Variants in ZFR2 observed in about 807,000 individuals in gnomAD.
ZFR2 encodes the protein zinc finger RNA binding protein 2, also known as zinc finger RNA-binding protein 2.
ZFR2 carries 104 observed loss-of-function variants against 105.7 expected under a neutral mutation model. The observed-to-expected ratio is 0.98, with a 90% CI of 0.84 to 1.16. ZFR2 has a LOEUF of 1.16. ZFR2 is among the 50% of genes most tolerant of loss of function. The pLI, the probability that ZFR2 is intolerant of heterozygous loss-of-function variation, is 0.00. For missense variants in ZFR2, 1,425 were observed against 1,355.5 expected, an observed-to-expected ratio of 1.05 and a Z score of -0.80; for synonymous variants, 634 against 597.7, an observed-to-expected ratio of 1.06 and a Z score of -0.89.
chr19:3,821,499 C>G lies in ZFR2; in HGVS notation c.1492-20G>C, dbSNP rs1568421161. ...TTTCTTCTGGAAAGGACAGGCAAGGCTCTGAGAGTAGGGACCTTGCTTTAG... is the reference window on the plus strand; with the variant it reads ...TTTCTTCTGGAAAGGACAGGCAAGGGTCTGAGAGTAGGGACCTTGCTTTAG... On this transcript the variant is annotated intron_variant, in intron 9 of 18. Transcript: ENST00000262961. The G allele has an allele frequency of 6.3e-7, 1 of 1,575,840 alleles. No individual in the cohort carries two copies. The highest frequency in any genetic ancestry group is 1.8e-5 in the Admixed American group (1 of 57,138).
At chr19:3,853,253 GC>G (rs1434089761) in intron 1 of ZFR2, among the ~76,000 whole-genome samples, 1 of 152,180 alleles carries the variant, frequency 6.6e-6, no homozygotes, top group Non-Finnish European at 1.5e-5. Context: ...GAGGCCCACA[GC>G]CCTCCCCGGG....
At chr19:3,841,252 G>C (rs147893200) in intron 1 of ZFR2, among the ~76,000 whole-genome samples, 1 of 152,360 alleles carries the variant, frequency 6.6e-6, no homozygotes, top group East Asian at 1.9e-4. Context: ...GAACACGGCC[G>C]GCAACGGGTC....
intron 1 of ZFR2, among the ~76,000 whole-genome samples, chr19:3,836,370 G>A (rs1243596396): frequency 6.6e-6 from 1 of 152,076 alleles, no homozygotes; most frequent in East Asian, 1.9e-4. Context: ...TGTCACCCAG[G>A]TTGAAGTTCA....
rs2037793405 is a variant in ZFR2 at position 3,813,556 on chromosome 19, AC to A, written c.2242+263del. Among the ~76,000 whole-genome samples, 1 of 152,008 alleles carries A rather than the reference AC, an allele frequency of 6.6e-6. No homozygotes were observed. Among genetic ancestry groups the A allele is most frequent in the Non-Finnish European group, 1.5e-5 (1 of 68,030 alleles). On this transcript the variant is annotated intron_variant, in intron 14 of 18. Coordinates refer to ENST00000262961, the MANE Select transcript of ZFR2 (RefSeq NM_015174.2). This position sits in a 1 kb window ranked among gnomAD's most constrained non-coding sequence, Gnocchi z 4.4. ...GCCCTGGGTAAGGGCAAGGGAGGTG[AC>A]ACGGTGTCGCTTGCCCGAGCAAGGC...
intron 6 of ZFR2, among the ~76,000 whole-genome samples, chr19:3,825,704 C>T (rs966143937): frequency 2.0e-5 from 3 of 152,176 alleles, no homozygotes; most frequent in Non-Finnish European, 2.9e-5. Flanking sequence ...TCCTCCACCA[C>T]GTGGGCTGCC....
intron 1 of ZFR2, among the ~76,000 whole-genome samples, chr19:3,862,941 A>C (rs544864201): frequency 6.6e-6 from 1 of 152,298 alleles, no homozygotes; most frequent in South Asian, 2.1e-4. Flanking sequence ...AGGATGTGCA[A>C]ACAGCTGGAG....
intron 1 of ZFR2, among the ~76,000 whole-genome samples, chr19:3,837,690 GTGACACTCAATGAACACCGTGACCA>G (rs2038092513): frequency 1.3e-5 from 2 of 151,424 alleles, no homozygotes; most frequent in Non-Finnish European, 2.9e-5. Context: ...CACTGTGACC[GTGACACTCAATGAACACCGTGACCA>G]TGACACTTGA....
chr19:3,837,015 C>T (rs1023676766), intron 1 of ZFR2, among the ~76,000 whole-genome samples: 3 of 152,238 alleles, frequency 2.0e-5, no homozygotes, highest in Non-Finnish European at 2.9e-5. Flanking sequence ...AGAGGCTCTA[C>T]ACCACCTGGC....
At chr19:3,816,156 C>T (rs1225221237) in intron 13 of ZFR2, among the ~76,000 whole-genome samples, 1 of 151,946 alleles carries the variant, frequency 6.6e-6, no homozygotes, top group Non-Finnish European at 1.5e-5. Flanking sequence ...CTGCCTCAGC[C>T]TCTCAAAGTG....
At chr19:3,840,272 C>T (rs574510893) in intron 1 of ZFR2, among the ~76,000 whole-genome samples, 1 of 151,274 alleles carries the variant, frequency 6.6e-6, no homozygotes, top group East Asian at 1.9e-4. Context: ...CAGTCTTGCT[C>T]TGTCGCCCAG....
At position 3,858,996 on chromosome 19, in the gene ZFR2, G is replaced by A. The variant is rs1433108507; in HGVS notation, c.53+9969C>T. ...TACTGAGTGTCAACTTGACTGGATT[G>A]AAGGATGCAAAATATTGTCCTGGGT... On this transcript the variant is annotated intron_variant, in intron 1 of 18. Coordinates refer to ENST00000262961, the MANE Select transcript of ZFR2 (RefSeq NM_015174.2). This position sits in a 1 kb window ranked among gnomAD's most constrained non-coding sequence, Gnocchi z 4.3. 6.6e-6 allele frequency among the ~76,000 whole-genome samples: 1 copy of A among 152,128 alleles called. No homozygotes were observed. The highest frequency in any genetic ancestry group is 1.9e-4 in the East Asian group (1 of 5,190).
In ZFR2 at chr19:3,806,054, G is replaced by T; in HGVS notation, c.2715C>A (p.His905Gln). 2 of 1,535,334 alleles carry T rather than the reference G, an allele frequency of 1.3e-6. No individual in the cohort carries two copies. Among genetic ancestry groups the T allele is most frequent in the South Asian group, 1.2e-5 (1 of 82,758 alleles). ...VLGMDLLPPR[H>Q]RLGARFRKRQ... Reference sequence around the variant, plus strand: ...TCTTCCGGAAGCGGGCCCCCAGCCGGTGTCTGGGCGGCAGGAGATCCATGC... The same window carrying T: ...TCTTCCGGAAGCGGGCCCCCAGCCGTTGTCTGGGCGGCAGGAGATCCATGC... The change falls in exon 19 of 19, where the codon CAC (histidine) becomes CAA (glutamine). Residue 905 changes from histidine to glutamine, a missense_variant. Physicochemically the swap from His to Gln is conservative, Grantham distance 24. Transcript: ENST00000262961.
intron 6 of ZFR2, among the ~76,000 whole-genome samples, chr19:3,825,639 ACTC>A (rs1417020243): frequency 1.3e-5 from 2 of 149,084 alleles, no homozygotes; most frequent in African/African-American, 5.0e-5. Context: ...GCACGGTGAC[ACTC>A]CTCTAGTGTG....
chr19:3,839,783 C>T (rs1401246993), intron 1 of ZFR2, among the ~76,000 whole-genome samples: 2 of 152,000 alleles, frequency 1.3e-5, no homozygotes, highest in Non-Finnish European at 2.9e-5. Context: ...CTTTTTCTTC[C>T]TCCCTAGGGT....
intron 1 of ZFR2, among the ~76,000 whole-genome samples, chr19:3,854,505 A>C (rs1423696674): frequency 6.6e-6 from 1 of 152,192 alleles, no homozygotes; most frequent in Non-Finnish European, 1.5e-5. Context: ...ACCAGCGATC[A>C]TGTGAACACA....
chr19:3,818,902 T>A, intron 12 of ZFR2, 143 bp downstream of exon 12: 2 of 1,037,740 alleles, frequency 1.9e-6, no homozygotes, highest in Non-Finnish European at 2.7e-6. Flanking sequence ...GGGAACTTCC[T>A]ACTCCTGGGG....
chr19:3,832,628 GT>G (rs112247869), intron 3 of ZFR2, among the ~76,000 whole-genome samples: 41 of 143,452 alleles, frequency 2.9e-4, no homozygotes, highest in African/African-American at 5.7e-4. Flanking sequence ...CCTTTATTTT[GT>G]TTTTTTTTTT....
intron 1 of ZFR2, among the ~76,000 whole-genome samples, chr19:3,860,455 G>A (rs553815774): frequency 2.3e-4 from 35 of 152,272 alleles, no homozygotes; most frequent in Non-Finnish European, 4.3e-4. Flanking sequence ...ACCATAGGGC[G>A]GCAGGTTCTT....
rs974240536 is a variant in ZFR2 at position 3,816,788 on chromosome 19, C to T, written c.1989G>A (p.Ala663=). The change falls in exon 13 of 19, where the codon GCG becomes GCA. Residue 663 remains alanine (A), a synonymous_variant. Transcript: ENST00000262961. ...TGTCCCCACGCAGGAGGAGGCCTTT[C>T]GCCAGGATGCCTACTCGCATGACGC... The part of the protein sequence containing the change: ...LKGVMRVGIL[A]KGLLLRGDRN... 1.1e-5 allele frequency: 17 copies of T among 1,601,124 alleles called. No homozygotes were observed. The highest frequency in any genetic ancestry group is 2.3e-5 in the East Asian group (1 of 44,306).
Sources: allele counts gnomAD v4.1 joint callset (sites outside exome capture counted in the v4.1 genomes callset), GRCh38; gene constraint gnomAD v4.1.1; non-coding constraint Gnocchi (gnomAD v3.1); transcripts MANE v1.5; gene names NCBI Gene and HGNC (gene_info 2026-07-23, HGNC 2026-07-21).